The following EPS15L1 variants were observed in gnomAD, a reference collection of about 807,000 sequenced individuals.
EPS15L1 encodes epidermal growth factor receptor substrate 15-like 1.
In EPS15L1, 43 loss-of-function variants were observed where a neutral mutation model predicts 117.1. The ratio of observed to expected loss-of-function variants is 0.37; its 90% CI spans 0.29 to 0.47. EPS15L1 has a LOEUF of 0.47. Among genes scored for constraint, EPS15L1 ranks in the 20% least tolerant of loss-of-function variants. EPS15L1 has a pLI of 0.99. For missense variants in EPS15L1, 981 were observed against 1,164.0 expected, an observed-to-expected ratio of 0.84 and a Z score of 2.29; for synonymous variants, 459 against 470.5, an observed-to-expected ratio of 0.98 and a Z score of 0.32.
intron 8 of EPS15L1, 84 bp downstream of exon 8, chr19:16,428,618 A>C (rs1490420352): frequency 6.8e-6 from 6 of 886,530 alleles, no homozygotes; most frequent in Non-Finnish European, 1.1e-5. Flanking sequence ...AAGAAAAAAG[A>C]GAGAAAGACA....
intron 22 of EPS15L1, among the ~76,000 whole-genome samples, chr19:16,376,499 T>G (rs1455253690): frequency 6.6e-6 from 1 of 152,084 alleles, no homozygotes; most frequent in Admixed American, 6.5e-5. Context: ...GCAGGGCCTG[T>G]AGGAAGTCCC....
chr19:16,414,052 T>C (rs1300796367), intron 12 of EPS15L1, among the ~76,000 whole-genome samples: 1 of 152,040 alleles, frequency 6.6e-6, no homozygotes, highest in Non-Finnish European at 1.5e-5. Context: ...TCGCTCCCAA[T>C]GTAACCACCC....
At chr19:16,391,312 T>G (rs569988391) in intron 19 of EPS15L1, among the ~76,000 whole-genome samples, 1 of 152,024 alleles carries the variant, frequency 6.6e-6, no homozygotes, top group Non-Finnish European at 1.5e-5. Flanking sequence ...GTCAATGAAA[T>G]TGGTAAACAG....
At chr19:16,401,541 A>C in intron 16 of EPS15L1, 1 of 985,722 alleles carries the variant, frequency 1.0e-6, no homozygotes, top group Non-Finnish European at 1.2e-6. Context: ...GGCCCGGCCC[A>C]TCCGCTCCCG....
At chr19:16,395,204 A>G (rs2092527123) in intron 17 of EPS15L1, 140 bp downstream of exon 17, 1 of 460,576 alleles carries the variant, frequency 2.2e-6, no homozygotes, top group Non-Finnish European at 3.3e-6. Flanking sequence ...TCGTCTCCAA[A>G]AAAAAAAAAA....
At chr19:16,388,828 A>G (rs2092448283) in intron 19 of EPS15L1, among the ~76,000 whole-genome samples, 1 of 152,160 alleles carries the variant, frequency 6.6e-6, no homozygotes, top group African/African-American at 2.4e-5. Flanking sequence ...TCTGTCTCAA[A>G]AAAACAAACA....
rs778253640 is a variant in EPS15L1 at position 16,403,887 on chromosome 19, A to G, written c.1472T>C (p.Leu491Ser). The G allele has an allele frequency of 7.4e-6, 12 of 1,613,986 alleles. No individual in the cohort carries two copies. The Admixed American group carries it at 1.8e-4, about 25-fold the overall frequency. Residue 491 changes from leucine (L) to serine (S), a missense_variant, in exon 15 of 24, where the codon TTA (leucine) becomes TCA (serine). By Grantham distance (145) the Leu-to-Ser change is moderately radical. Around this residue, in one of 5 missense-constraint regions of EPS15L1, gnomAD observed 819 missense variants for 949.0 expected, o/e 0.86. Coordinates refer to ENST00000455140, the MANE Select transcript of EPS15L1 (RefSeq NM_001258374.3). ...KTQIQSQESD[L>S]KSQEDDLNRA... ...GTTCAGATCGTCTTCCTGGGACTTT[A>G]AGTCAGATTCCTGAGATTGGATTTG... is the stretch of plus-strand genomic sequence containing the variant.
chr19:16,392,809 T>C (rs540073479), intron 18 of EPS15L1, among the ~76,000 whole-genome samples: 1 of 152,128 alleles, frequency 6.6e-6, no homozygotes, highest in African/African-American at 2.4e-5. Flanking sequence ...ATCCCATCAC[T>C]TTAGGAGGCT....
rs1243513930 is a variant in EPS15L1, at chr19:16,365,927, A to C, written c.2381-3943T>G. ...CCAGGTGCCACCTGTTACAGATTCC[A>C]CGGGTCTCCAGGGACCTGGGGCCCT... On this transcript the variant is annotated intron_variant, in intron 22 of 23. Transcript: ENST00000455140. This position sits in a 1 kb window ranked among gnomAD's most constrained non-coding sequence, Gnocchi z 4.9. 6.6e-6 allele frequency among the ~76,000 whole-genome samples: 1 copy of C among 152,112 alleles called. No individual in the cohort carries two copies. The highest frequency in any genetic ancestry group is 1.5e-5 in the Non-Finnish European group (1 of 67,998).
At chr19:16,427,181 G>A (rs1416547125) in intron 8 of EPS15L1, among the ~76,000 whole-genome samples, 1 of 152,196 alleles carries the variant, frequency 6.6e-6, no homozygotes, top group Non-Finnish European at 1.5e-5. Context: ...AGAATTTTCT[G>A]TCGGAGGCCA....
intron 1 of EPS15L1, among the ~76,000 whole-genome samples, chr19:16,468,203 C>T (rs1010609016): frequency 6.6e-6 from 1 of 152,146 alleles, no homozygotes; most frequent in Non-Finnish European, 1.5e-5. Flanking sequence ...AGGCAGCATA[C>T]GGCAGGAGCT....
rs569737377 is a variant in EPS15L1, at chr19:16,421,151, C to T, written c.950+168G>A. Among the ~76,000 whole-genome samples, 4 of 152,358 alleles carry T rather than the reference C, an allele frequency of 2.6e-5. No homozygotes were observed. The South Asian group carries it at 6.2e-4, about 24-fold the overall frequency. ...GGAGCGCGGGCTTCGAGCCTTGGCA[C>T]GTGCACCTTGCTCAGCCTCTGTCAG... On this transcript the variant is annotated intron_variant, in intron 10 of 23. Coordinates refer to ENST00000455140, the MANE Select transcript of EPS15L1 (RefSeq NM_001258374.3).
At chr19:16,430,778 T>C (rs2092920129) in intron 7 of EPS15L1, among the ~76,000 whole-genome samples, 1 of 152,162 alleles carries the variant, frequency 6.6e-6, no homozygotes, top group African/African-American at 2.4e-5. Flanking sequence ...TGCGCACGGA[T>C]GAATGTATAA....
chr19:16,373,269 G>C (rs141581841), intron 22 of EPS15L1, among the ~76,000 whole-genome samples: 1 of 152,028 alleles, frequency 6.6e-6, no homozygotes, highest in East Asian at 1.9e-4. Flanking sequence ...ACTCAGCCAC[G>C]CTGGGACCCA....
At chr19:16,357,174 G>A (rs2091991823) in intron 23 of EPS15L1, 1 of 152,294 alleles carries the variant, frequency 6.6e-6, no homozygotes, top group Non-Finnish European at 1.5e-5. Context: ...CGCAGCACTA[G>A]GTCTGCGTGA....
chr19:16,369,754 A>G (rs2092194577), intron 22 of EPS15L1, among the ~76,000 whole-genome samples: 1 of 151,842 alleles, frequency 6.6e-6, no homozygotes, highest in South Asian at 2.1e-4. Flanking sequence ...ATCACAAGCC[A>G]GTCTTCATGA....
intron 4 of EPS15L1, among the ~76,000 whole-genome samples, 194 bp from the exon 5 acceptor site, chr19:16,438,059 T>G (rs116717777): frequency 0.014 from 2,055 of 152,208 alleles, 42 homozygotes; most frequent in African/African-American, 0.047. Context: ...TACACTAAAA[T>G]GGACTTATCC....
intron 23 of EPS15L1, 140 bp from the exon 24 acceptor site, chr19:16,355,991 G>T: frequency 1.8e-6 from 2 of 1,085,600 alleles, no homozygotes; most frequent in Non-Finnish European, 1.3e-6. Context: ...GGATAAGCAT[G>T]TCTTGGCTGG....
intron 21 of EPS15L1, among the ~76,000 whole-genome samples, chr19:16,384,699 C>A (rs2144737775): frequency 6.6e-6 from 1 of 152,308 alleles, no homozygotes; most frequent in East Asian, 1.9e-4. Flanking sequence ...CCGGCCCTCA[C>A]TTTTCAACAC....
Sources: allele counts gnomAD v4.1 joint callset (sites outside exome capture counted in the v4.1 genomes callset), GRCh38; gene constraint gnomAD v4.1.1; regional missense constraint gnomAD v4.1.1; non-coding constraint Gnocchi (gnomAD v3.1); transcripts MANE v1.5; gene names NCBI Gene and HGNC (gene_info 2026-07-23, HGNC 2026-07-21).